Variants in CC2D1B observed in about 807,000 individuals in gnomAD.
The protein encoded by CC2D1B is coiled-coil and C2 domain-containing protein 1B.
Under a neutral mutation model 110.8 loss-of-function variants are expected in CC2D1B, and 92 were observed. The ratio of observed to expected loss-of-function variants is 0.83; its 90% CI spans 0.70 to 0.99. CC2D1B has a LOEUF of 0.99. CC2D1B is among the 50% of genes least tolerant of loss of function. CC2D1B has a pLI of 0.00. For synonymous variants in CC2D1B, 406 were observed against 429.2 expected (o/e 0.95, Z 0.67); for missense variants, 1,136 against 1,089.0 (o/e 1.04, Z -0.61).
intron 3 of CC2D1B, among the ~76,000 whole-genome samples, chr1:52,362,185 AG>A (rs775224829): frequency 5.3e-5 from 8 of 152,106 alleles, no homozygotes; most frequent in Non-Finnish European, 8.8e-5. Flanking sequence ...CCCGGTGAAA[AG>A]AGAGGACGAT....
Position 52,361,118 on chromosome 1 carries a change from CT to C in CC2D1B, c.332del (p.Glu111GlyfsTer3). 2.5e-6 allele frequency: 4 copies of C among 1,614,084 alleles called. No individual in the cohort carries two copies. The highest frequency in any genetic ancestry group is 3.4e-6 in the Non-Finnish European group (4 of 1,180,018). ...CAGTCTCCTCGTCCACACCTAAGACCTCCTGCAGCTCCGTCTAGGGAGACAA... is the reference window on the plus strand; with the variant it reads ...CAGTCTCCTCGTCCACACCTAAGACCCCTGCAGCTCCGTCTAGGGAGACAA... ...EDAELLTELQEVLGVDEETEP... is the reference protein window; with the variant it reads ...EDAELLTELQXVLGVDEETEP... On this transcript the variant is annotated frameshift_variant, in exon 5 of 25. Transcript: ENST00000284376. LOFTEE classifies it high-confidence loss of function.
rs1646681150 is a variant in CC2D1B, at chr1:52,357,577, A to C, written c.1701T>G (p.Leu567=). ...AKAYLRVAKW[L]EAQIIQARSG... ...ATCGGGCCTGGATGATCTGAGCCTC[A>C]AGCCATTTGGCTACCCGCAGATAGG... Residue 567 remains leucine, a synonymous_variant, in exon 15 of 25, where the codon CTT becomes CTG. Transcript: ENST00000284376. 3 of 1,585,046 alleles carry C rather than the reference A, an allele frequency of 1.9e-6. No homozygotes were observed. In the Admixed American group the frequency reaches 5.3e-5, roughly 28 times the overall value.
At chr1:52,356,356 TGA>T (rs751252738) in intron 17 of CC2D1B, 26 bp downstream of exon 17, 1 of 1,614,182 alleles carries the variant, frequency 6.2e-7, no homozygotes, top group Non-Finnish European at 8.5e-7. Context: ...CCCCACCCTA[TGA>T]GCCCAGCCCC....
At position 52,359,041 on chromosome 1, in the gene CC2D1B, C is replaced by G. The variant is rs1461908882; in HGVS notation, c.1243G>C (p.Glu415Gln). The G allele has an allele frequency of 1.2e-6, 2 of 1,606,960 alleles. No homozygotes were observed. The highest frequency in any genetic ancestry group is 2.2e-5 in the East Asian group (1 of 44,866). Residue 415 changes from glutamate to glutamine, a missense_variant, in exon 11 of 25, where the codon GAG (glutamate) becomes CAG (glutamine). By Grantham distance (29) the Glu-to-Gln change is conservative. Transcript: ENST00000284376. ...GGDERKARMH[E>Q]RIAKQYQDAI... ...CGCGGGCCCACCTTGGCAATGCGCT[C>G]ATGCATCCGAGCCTTGCGCTCGTCC... is the stretch of plus-strand genomic sequence containing the variant.
rs1442053830 is a variant in CC2D1B at position 52,361,630 on chromosome 1, G to C, written c.215-14C>G. 1.2e-6 allele frequency: 2 copies of C among 1,613,542 alleles called. No homozygotes were observed. Among genetic ancestry groups the C allele is most frequent in the South Asian group, 1.1e-5 (1 of 91,088 alleles). ...TGGGCAGGGGGGCTGGGGGAAAAAG[G>C]TCACAACAAGTCAGCACAACTCAGA... On this transcript the variant is annotated splice_polypyrimidine_tract_variant and intron_variant, in intron 3 of 24. Coordinates refer to ENST00000284376, the MANE Select transcript of CC2D1B (RefSeq NM_001330585.2).
chr1:52,359,783 T>A lies in CC2D1B; in HGVS notation c.864A>T (p.Arg288Ser). 1.9e-6 allele frequency: 3 copies of A among 1,611,328 alleles called. No individual in the cohort carries two copies. Among genetic ancestry groups the A allele is most frequent in the Non-Finnish European group, 2.5e-6 (3 of 1,178,804 alleles). Residue 288 changes from arginine to serine, a missense_variant, in exon 8 of 25, where the codon AGA becomes AGT. Physicochemically the swap from Arg to Ser is moderately radical, Grantham distance 110. Coordinates refer to ENST00000284376, the MANE Select transcript of CC2D1B (RefSeq NM_001330585.2). ...DPRALLSSRQ[R>S]EYKVAALSAK... ...CACTGAGGGCAGCCACTTTGTACTC[T>A]CTCTGTCGGGATGACAGCAGGGCCC...
In CC2D1B at chr1:52,361,042, TCTC is replaced by T. The variant is rs781549658; in HGVS notation, c.406_408del (p.Glu136del). ...GGAGGTTCAGTGTCTTCTAGGCCGT[TCTC>T]CTCCTCAGAGCCGCCTGGGTCAGCT... On this transcript the variant is annotated inframe_deletion, in exon 5 of 25. Transcript: ENST00000284376. 19 of 1,613,838 alleles carry T rather than the reference TCTC, an allele frequency of 1.2e-5. No homozygotes were observed. The highest frequency in any genetic ancestry group is 4.0e-5 in the African/African-American group (3 of 74,842).
chr1:52,353,058 C>A lies in CC2D1B; in HGVS notation c.*167G>T, dbSNP rs149792694. On this transcript the variant is annotated 3_prime_UTR_variant, in exon 25 of 25. Transcript: ENST00000284376. ...TTCTGTAGAGCCCCAGAGGGGCCAACAACAGGAAAGACCAGAGTCGTGGTC... is the reference window on the plus strand; with the variant it reads ...TTCTGTAGAGCCCCAGAGGGGCCAAAAACAGGAAAGACCAGAGTCGTGGTC... 3.1e-6 allele frequency: 2 copies of A among 642,156 alleles called. No individual in the cohort carries two copies. Among genetic ancestry groups the A allele is most frequent in the African/African-American group, 1.9e-5 (1 of 52,298 alleles). The allele number at this position is 642,156 out of a possible 1,614,324, so 39.8% of individuals were successfully genotyped here. A position where few individuals can be genotyped will look rare whatever the true frequency, so the allele number is the denominator to read the frequency against.
Position 52,355,765 on chromosome 1 carries a change from G to A in CC2D1B, c.2128+6C>T. The A allele has an allele frequency of 6.2e-7, 1 of 1,614,074 alleles. No individual in the cohort carries two copies. Among genetic ancestry groups the A allele is most frequent in the Non-Finnish European group, 8.5e-7 (1 of 1,179,988 alleles). ...CCTCCTGGAGTAGGGGCGGCCCTAG[G>A]GTTACCTGGAGGGGCTGGGAGGTTC... On this transcript the variant is annotated splice_donor_region_variant and intron_variant, in intron 19 of 24. Coordinates refer to ENST00000284376, the MANE Select transcript of CC2D1B (RefSeq NM_001330585.2).
chr1:52,357,230 A>G (rs757307344), intron 15 of CC2D1B, 104 bp from the exon 16 acceptor site: 28 of 1,374,356 alleles, frequency 2.0e-5, no homozygotes, highest in South Asian at 1.7e-4. Flanking sequence ...AGCTTCTACT[A>G]AAGTCCAGTG....
intron 3 of CC2D1B, 110 bp downstream of exon 3, chr1:52,362,492 G>C: frequency 7.5e-7 from 1 of 1,337,432 alleles, no homozygotes; most frequent in South Asian, 1.3e-5. Flanking sequence ...ATGGGTATTG[G>C]AAGGACCAGG....
chr1:52,351,216 T>C lies in CC2D1B; in HGVS notation c.*2009A>G, dbSNP rs1360678499. On this transcript the variant is annotated 3_prime_UTR_variant, in exon 25 of 25. Transcript: ENST00000284376. The stretch of plus-strand genomic sequence containing the variant: ...CCTCGTCAGCCTGGAGGTTCTGTTT[T>C]GAAAGAGCAAAGCAGCAGACTGAAA... 2 of 152,216 alleles carry C rather than the reference T, an allele frequency of 1.3e-5. No individual in the cohort carries two copies. Among genetic ancestry groups the C allele is most frequent in the African/African-American group, 2.4e-5 (1 of 41,444 alleles). The allele number at this position is 152,216 out of a possible 1,614,324, so 9.4% of individuals were successfully genotyped here. A position where few individuals can be genotyped will look rare whatever the true frequency, so the allele number is the denominator to read the frequency against.
chr1:52,358,038 A>C, intron 13 of CC2D1B, 140 bp from the exon 14 acceptor site: 3 of 1,294,196 alleles, frequency 2.3e-6, no homozygotes, highest in Non-Finnish European at 3.1e-6. Context: ...CCTGGGTCCT[A>C]AAAGATCTGA....
intron 23 of CC2D1B, 154 bp from the exon 24 acceptor site, chr1:52,353,801 A>G (rs540216462): frequency 1.7e-6 from 1 of 575,812 alleles, no homozygotes; most frequent in East Asian, 3.0e-5. Flanking sequence ...CCCTCCCAGT[A>G]TTTGGAGGAG....
intron 6 of CC2D1B, 21 bp from the exon 7 acceptor site, chr1:52,360,254 A>C (rs1646749945): frequency 6.2e-7 from 1 of 1,613,272 alleles, no homozygotes. Flanking sequence ...GAACTGGTCC[A>C]GAAACCCAGC....
chr1:52,358,101 A>T, intron 13 of CC2D1B: 1 of 895,154 alleles, frequency 1.1e-6, no homozygotes, highest in Non-Finnish European at 1.6e-6. Flanking sequence ...AGCAGGAGAG[A>T]GACTGCAGGG....
At chr1:52,356,857 G>T in intron 16 of CC2D1B, 144 bp downstream of exon 16, 1 of 931,600 alleles carries the variant, frequency 1.1e-6, no homozygotes, top group Non-Finnish European at 1.6e-6. Flanking sequence ...GTTCAGAGAA[G>T]AAAGTGCCTT....
rs145697774 is a variant in CC2D1B, at chr1:52,358,459, A to G, written c.1333T>C (p.Phe445Leu). The G allele has an allele frequency of 3.5e-5, 57 of 1,613,604 alleles. No individual in the cohort carries two copies. The highest frequency in any genetic ancestry group is 2.0e-4 in the African/African-American group (15 of 74,960). Residue 445 changes from phenylalanine (F) to leucine (L), a missense_variant and splice_region_variant, in exon 13 of 25, where the codon TTT becomes CTT. Phe to Leu is a conservative substitution (Grantham distance 22, BLOSUM62 0). Coordinates refer to ENST00000284376, the MANE Select transcript of CC2D1B (RefSeq NM_001330585.2). ...NFAELPVPPG[F>L]PPIPGLESTM... ...GACTCCAGGCCAGGGATGGGGGGAA[A>G]TCCTGTGGGAGAGAGACAGCATGGG... is the stretch of plus-strand genomic sequence containing the variant.
chr1:52,361,875 C>T (rs1226526992), intron 3 of CC2D1B, among the ~76,000 whole-genome samples: 3 of 152,226 alleles, frequency 2.0e-5, no homozygotes, highest in Non-Finnish European at 4.4e-5. Flanking sequence ...CATGGCCATC[C>T]ACTCTCTCCA....
Sources: gnomAD v4.1 joint callset for allele counts (sites outside exome capture counted in the v4.1 genomes callset) on GRCh38, gnomAD v4.1.1 for gene constraint, MANE v1.5 for transcripts, NCBI Gene and HGNC (gene_info 2026-07-23, HGNC 2026-07-21) for gene names.